Variants in KALRN observed in about 807,000 individuals in gnomAD.
The protein encoded by KALRN is kalirin RhoGEF kinase, also known as kalirin.
A neutral mutation model predicts 353.7 loss-of-function variants in KALRN; 70 were observed. The observed-to-expected ratio is 0.20, with a 90% CI of 0.16 to 0.24. The LOEUF (loss-of-function observed/expected upper bound fraction) is 0.24, where lower values mean the gene tolerates loss of function less well. Ranked by LOEUF, KALRN falls within the 10% of genes least tolerant of loss-of-function variation. The pLI is 1.00. For missense variants in KALRN, 2,791 were observed against 3,756.7 expected (o/e 0.74, Z 6.72); for synonymous variants, 1,391 against 1,434.8 (o/e 0.97, Z 0.69).
At chr3:124,701,286 A>G (rs1191302272) in intron 56 of KALRN, among the ~76,000 whole-genome samples, 1 of 152,146 alleles carries the variant, frequency 6.6e-6, no homozygotes, top group Non-Finnish European at 1.5e-5. Flanking sequence ...ACTCAGGCAT[A>G]TATTGTGGGT....
At chr3:124,686,024 A>C (rs1167192164) in intron 51 of KALRN, among the ~76,000 whole-genome samples, 1 of 152,002 alleles carries the variant, frequency 6.6e-6, no homozygotes, top group African/African-American at 2.4e-5. Context: ...AAGGCATTGC[A>C]GTGATTATTA....
intron 21 of KALRN, among the ~76,000 whole-genome samples, chr3:124,452,342 A>C (rs1209734130): frequency 6.6e-6 from 1 of 152,212 alleles, no homozygotes; most frequent in Admixed American, 6.5e-5. Context: ...GTCAACATTG[A>C]TGGTATGCTT....
At chr3:124,517,427 A>G (rs913156344) in intron 33 of KALRN, among the ~76,000 whole-genome samples, 8 of 152,154 alleles carry the variant, frequency 5.3e-5, no homozygotes, top group African/African-American at 1.9e-4. Flanking sequence ...CTTTCACATC[A>G]TGGAGCTGAG....
intron 3 of KALRN, among the ~76,000 whole-genome samples, chr3:124,251,874 AAG>A (rs1185105228): frequency 1.3e-5 from 2 of 152,162 alleles, no homozygotes; most frequent in Non-Finnish European, 2.9e-5. Flanking sequence ...GGAAGAGAAA[AAG>A]AGAAACCACC....
At chr3:124,471,125 A>G (rs1307677911) in intron 25 of KALRN, among the ~76,000 whole-genome samples, 4 of 152,052 alleles carry the variant, frequency 2.6e-5, no homozygotes, top group African/African-American at 9.7e-5. Context: ...AGAGAATATG[A>G]GTTTATTAAG....
chr3:124,057,543 A>C (rs761454802), intron 1 of KALRN, among the ~76,000 whole-genome samples: 1 of 152,156 alleles, frequency 6.6e-6, no homozygotes, highest in African/African-American at 2.4e-5. Context: ...GAGGGGAAGC[A>C]GATGTGAGTT....
chr3:124,187,757 G>C (rs532828385), intron 1 of KALRN, among the ~76,000 whole-genome samples: 1 of 152,322 alleles, frequency 6.6e-6, no homozygotes, highest in African/African-American at 2.4e-5. Flanking sequence ...CAATGTGGGG[G>C]TAGATTTCTG....
At chr3:124,674,853 T>C (rs917020763) in intron 49 of KALRN, 12 of 418,460 alleles carry the variant, frequency 2.9e-5, no homozygotes, top group African/African-American at 2.3e-4. Flanking sequence ...TGGTTTATAA[T>C]TTTCTGTTCA....
intron 9 of KALRN, among the ~76,000 whole-genome samples, chr3:124,344,500 A>G (rs2082081722): frequency 6.6e-6 from 1 of 152,266 alleles, no homozygotes; most frequent in South Asian, 2.1e-4. Context: ...CTGAAACAAA[A>G]TAGTCAGAAA....
At chr3:124,169,924 G>T (rs972618810) in intron 1 of KALRN, among the ~76,000 whole-genome samples, 1 of 152,176 alleles carries the variant, frequency 6.6e-6, no homozygotes, top group Non-Finnish European at 1.5e-5. Flanking sequence ...AGATCAGTCC[G>T]AGTGTAGGAT....
At chr3:124,717,984 G>A (rs545090338) in intron 59 of KALRN, among the ~76,000 whole-genome samples, 53 of 147,464 alleles carry the variant, frequency 3.6e-4, no homozygotes, top group African/African-American at 1.3e-3. Context: ...GCTAATTTTT[G>A]TATTTTTAGT....
intron 25 of KALRN, among the ~76,000 whole-genome samples, chr3:124,472,259 G>A (rs868137861): frequency 7.9e-5 from 12 of 152,056 alleles, no homozygotes; most frequent in Middle Eastern, 6.8e-3. Flanking sequence ...ATTATCCTTG[G>A]GTCATAAGTC....
At chr3:124,658,756 C>A (rs2084425007) in intron 42 of KALRN, among the ~76,000 whole-genome samples, 1 of 152,176 alleles carries the variant, frequency 6.6e-6, no homozygotes, top group Non-Finnish European at 1.5e-5. Context: ...GAGAATCCCC[C>A]ATTTGCAGAA....
intron 1 of KALRN, among the ~76,000 whole-genome samples, chr3:124,145,214 A>G (rs2067183500): frequency 6.6e-6 from 1 of 152,158 alleles, no homozygotes; most frequent in African/African-American, 2.4e-5. Flanking sequence ...CCCTTTATCG[A>G]TCTACTGATC....
chr3:124,058,948 C>T (rs968322473), intron 1 of KALRN, among the ~76,000 whole-genome samples: 1 of 152,134 alleles, frequency 6.6e-6, no homozygotes, highest in Non-Finnish European at 1.5e-5. Context: ...ACAAATATCA[C>T]TCTGTTGATT....
At chr3:124,548,927 T>C (rs1309291475) in intron 33 of KALRN, among the ~76,000 whole-genome samples, 1 of 152,190 alleles carries the variant, frequency 6.6e-6, no homozygotes, top group Non-Finnish European at 1.5e-5. Flanking sequence ...GTGCTGGGAT[T>C]ATAGGCATGA....
intron 10 of KALRN, 145 bp from the exon 11 acceptor site, chr3:124,384,700 G>A: frequency 1.4e-6 from 1 of 717,406 alleles, no homozygotes; most frequent in East Asian, 2.9e-5. Flanking sequence ...CGGCGTGCCA[G>A]CTCCGCGCAC....
intron 9 of KALRN, among the ~76,000 whole-genome samples, chr3:124,340,222 T>A (rs1430927885): frequency 6.6e-6 from 1 of 152,090 alleles, no homozygotes; most frequent in Non-Finnish European, 1.5e-5. Context: ...TAAGGATGTG[T>A]TTAAGAAGAG....
intron 1 of KALRN, chr3:124,163,652 A>AT (rs2070365036): frequency 2.0e-6 from 2 of 984,536 alleles, no homozygotes; most frequent in Non-Finnish European, 2.4e-6. Context: ...GAAAGGCTAT[A>AT]AAGGTAGAAG....
Sources: allele counts gnomAD v4.1 joint callset (sites outside exome capture counted in the v4.1 genomes callset), GRCh38; gene constraint gnomAD v4.1.1; transcripts MANE v1.5; gene names NCBI Gene and HGNC (gene_info 2026-07-23, HGNC 2026-07-21).